The following HAPLN1 variants were observed in gnomAD, a reference collection of about 807,000 sequenced individuals.
HAPLN1 encodes the protein Cartilage link protein.
HAPLN1 carries 13 observed loss-of-function variants against 36.5 expected under a neutral mutation model. The ratio of observed to expected loss-of-function variants is 0.36; its 90% CI spans 0.23 to 0.57. HAPLN1 has a LOEUF of 0.57. HAPLN1 is among the 20% of genes least tolerant of loss of function. The pLI is 0.83. For missense variants in HAPLN1, 407 were observed against 439.7 expected (o/e 0.93, Z 0.66); for synonymous variants, 202 against 169.8 (o/e 1.19, Z -1.48).
At chr5:83,671,861 C>T (rs930787702) in intron 2 of HAPLN1, among the ~76,000 whole-genome samples, 1 of 152,090 alleles carries the variant, frequency 6.6e-6, no homozygotes, top group Admixed American at 6.6e-5. Flanking sequence ...GACTATCAAG[C>T]CTTTTTAAAA....
chr5:83,651,980 C>T (rs1318632771), intron 3 of HAPLN1: 1 of 155,222 alleles, frequency 6.4e-6, no homozygotes, highest in Non-Finnish European at 1.4e-5. Flanking sequence ...TTAAAGAAAG[C>T]TAGAGATTAC....
intron 2 of HAPLN1, among the ~76,000 whole-genome samples, chr5:83,659,777 C>T (rs1187875640): frequency 2.6e-5 from 4 of 151,868 alleles, no homozygotes; most frequent in Admixed American, 1.3e-4. Context: ...ATTTAAAACA[C>T]GAAATACATG....
At chr5:83,646,579 C>T (rs191546994) in intron 3 of HAPLN1, among the ~76,000 whole-genome samples, 58 of 152,250 alleles carry the variant, frequency 3.8e-4, no homozygotes, top group Non-Finnish European at 7.5e-4. Context: ...AGGCAGAGAC[C>T]CAAGAAGGCT....
At chr5:83,687,047 T>C (rs1299489741) in intron 1 of HAPLN1, among the ~76,000 whole-genome samples, 1 of 152,098 alleles carries the variant, frequency 6.6e-6, no homozygotes, top group Non-Finnish European at 1.5e-5. Flanking sequence ...CAAAAGGAAA[T>C]GCACTCAAAA....
At chr5:83,661,189 G>GTCTTTGTCATCTA (rs1750375981) in intron 2 of HAPLN1, among the ~76,000 whole-genome samples, 1 of 132,538 alleles carries the variant, frequency 7.5e-6, no homozygotes, top group Admixed American at 7.4e-5. Context: ...CTATGCCTAT[G>GTCTTTGTCATCTA]TCTTTGTCAT....
At chr5:83,698,506 A>G (rs1228022300) in intron 1 of HAPLN1, among the ~76,000 whole-genome samples, 4 of 152,182 alleles carry the variant, frequency 2.6e-5, no homozygotes, top group African/African-American at 9.6e-5. Context: ...ATGAGAATTT[A>G]TGAAACTAAA....
chr5:83,680,885 A>T (rs1750982958), intron 1 of HAPLN1, among the ~76,000 whole-genome samples: 1 of 152,204 alleles, frequency 6.6e-6, no homozygotes, highest in Admixed American at 6.5e-5. Flanking sequence ...AAGATAATTA[A>T]ATCTGTCAGA....
rs1362600666 is a variant in HAPLN1, at chr5:83,639,807, A to T, written c.*1689T>A. ...TCTTTTAATATTAAAGCATCTGAAA[A>T]TTTTCAGATATGTTTTTGATGAAAG... On this transcript the variant is annotated 3_prime_UTR_variant, in exon 5 of 5. Transcript: ENST00000274341. The T allele has an allele frequency of 1.3e-5, 2 of 152,034 alleles. No homozygotes were observed. The highest frequency in any genetic ancestry group is 2.9e-5 in the Non-Finnish European group (2 of 67,936). The allele number at this position is 152,034 out of a possible 1,614,324, so 9.4% of individuals were successfully genotyped here.
intron 3 of HAPLN1, among the ~76,000 whole-genome samples, chr5:83,646,036 A>G (rs1338055400): frequency 6.6e-6 from 1 of 152,190 alleles, no homozygotes; most frequent in Non-Finnish European, 1.5e-5. Flanking sequence ...TTTGCCTAGG[A>G]AGGTGTATGG....
At chr5:83,661,375 C>T (rs1750381707) in intron 2 of HAPLN1, among the ~76,000 whole-genome samples, 1 of 150,756 alleles carries the variant, frequency 6.6e-6, no homozygotes, top group African/African-American at 2.4e-5. Context: ...CAGTTGCCAT[C>T]CATTCCTTGT....
intron 1 of HAPLN1, among the ~76,000 whole-genome samples, chr5:83,686,865 G>T (rs1485409335): frequency 6.6e-6 from 1 of 152,086 alleles, no homozygotes; most frequent in Non-Finnish European, 1.5e-5. Flanking sequence ...GCAGGATAAG[G>T]TTTATTTCCT....
intron 3 of HAPLN1, chr5:83,652,185 CA>C: frequency 5.0e-6 from 2 of 403,872 alleles, no homozygotes; most frequent in South Asian, 2.2e-4. Context: ...TAACATAAGG[CA>C]GTATCTGAAA....
intron 1 of HAPLN1, among the ~76,000 whole-genome samples, chr5:83,676,323 A>C (rs1287792526): frequency 1.3e-5 from 2 of 152,188 alleles, no homozygotes; most frequent in African/African-American, 4.8e-5. Flanking sequence ...TTGTGATTAG[A>C]GGCCTCTATC....
Position 83,639,111 on chromosome 5 carries a change from C to T in HAPLN1, c.*2385G>A, listed in dbSNP as rs1169247681. 1 of 151,892 alleles carries T rather than the reference C, an allele frequency of 6.6e-6. No individual in the cohort carries two copies. The highest frequency in any genetic ancestry group is 2.4e-5 in the African/African-American group (1 of 41,378). The allele number at this position is 151,892 out of a possible 1,614,324, so 9.4% of individuals were successfully genotyped here. A position where few individuals can be genotyped will look rare whatever the true frequency, so the allele number is the denominator to read the frequency against. On this transcript the variant is annotated 3_prime_UTR_variant, in exon 5 of 5. Coordinates refer to ENST00000274341, the MANE Select transcript of HAPLN1 (RefSeq NM_001884.4). ...TCTTTTTCAGACCTGCTCAGTGAGA[C>T]ATCTTGGGGAATGAAGTAGGAAAAT... is the stretch of plus-strand genomic sequence containing the variant.
chr5:83,645,878 CA>C (rs1171056796), intron 3 of HAPLN1, among the ~76,000 whole-genome samples: 1 of 151,582 alleles, frequency 6.6e-6, no homozygotes, highest in Non-Finnish European at 1.5e-5. Context: ...TTATTATAAA[CA>C]GGAAAAAAAA....
At chr5:83,688,147 C>T (rs189071556) in intron 1 of HAPLN1, among the ~76,000 whole-genome samples, 2 of 152,322 alleles carry the variant, frequency 1.3e-5, no homozygotes, top group East Asian at 3.9e-4. Context: ...CTGATCCTCT[C>T]CCATTGAAAC....
intron 2 of HAPLN1, among the ~76,000 whole-genome samples, chr5:83,657,701 T>C (rs1207849431): frequency 6.6e-6 from 1 of 152,034 alleles, no homozygotes; most frequent in Non-Finnish European, 1.5e-5. Flanking sequence ...TTAAAATGAA[T>C]TGAGGATGGT....
intron 1 of HAPLN1, among the ~76,000 whole-genome samples, chr5:83,696,680 A>G (rs1337944230): frequency 1.3e-5 from 2 of 152,132 alleles, no homozygotes; most frequent in Non-Finnish European, 2.9e-5. Flanking sequence ...AATAAAGAAA[A>G]TACTCTTGCC....
At position 83,644,399 on chromosome 5, in the gene HAPLN1, T is replaced by G. The variant is rs1749790127; in HGVS notation, c.739A>C (p.Arg247=). The part of the protein sequence containing the change: ...NYGFWDKDKS[R]YDVFCFTSNF... ...GATGTAAAACAGAAAACATCATATC[T>G]GCTTTTATCTTTATCCCAAAATCCG... The change falls in exon 4 of 5, where the codon AGA becomes CGA. Residue 247 remains arginine (R), a synonymous_variant. Coordinates refer to ENST00000274341, the MANE Select transcript of HAPLN1 (RefSeq NM_001884.4). 6.3e-7 allele frequency: 1 copy of G among 1,590,944 alleles called. No homozygotes were observed. The highest frequency in any genetic ancestry group is 1.8e-5 in the Admixed American group (1 of 54,936).
Sources: gnomAD v4.1 joint callset for allele counts (sites outside exome capture counted in the v4.1 genomes callset) on GRCh38, gnomAD v4.1.1 for gene constraint, MANE v1.5 for transcripts, NCBI Gene and HGNC (gene_info 2026-07-23, HGNC 2026-07-21) for gene names.